The following SHISA6 variants were observed in gnomAD, a reference collection of about 807,000 sequenced individuals.
SHISA6 encodes protein shisa-6.
A neutral mutation model predicts 47.9 loss-of-function variants in SHISA6; 22 were observed. That is an observed-to-expected ratio of 0.46 (90% CI 0.33 to 0.66). SHISA6 has a LOEUF of 0.66. SHISA6 is among the 30% of genes least tolerant of loss of function. SHISA6 has a pLI of 0.02. For missense variants in SHISA6, 680 were observed against 764.6 expected, an observed-to-expected ratio of 0.89 and a Z score of 1.30; for synonymous variants, 388 against 337.8, an observed-to-expected ratio of 1.15 and a Z score of -1.63.
chr17:11,280,793 C>T (rs994484308), intron 2 of SHISA6, among the ~76,000 whole-genome samples: 10 of 152,138 alleles, frequency 6.6e-5, no homozygotes, highest in East Asian at 3.9e-4. Context: ...TTTGAAGCAG[C>T]GTGCTCAATG....
At chr17:11,485,369 AG>A (rs1916321866) in intron 3 of SHISA6, among the ~76,000 whole-genome samples, 1 of 152,142 alleles carries the variant, frequency 6.6e-6, no homozygotes, top group Non-Finnish European at 1.5e-5. Flanking sequence ...CAATTTCATG[AG>A]GGCTAACACT....
intron 2 of SHISA6, among the ~76,000 whole-genome samples, chr17:11,293,914 T>A (rs1909641815): frequency 6.6e-6 from 1 of 151,614 alleles, no homozygotes; most frequent in African/African-American, 2.4e-5. Context: ...TGAGATGGAG[T>A]CTCACTCTCT....
chr17:11,396,967 A>G (rs1913592326), intron 3 of SHISA6, among the ~76,000 whole-genome samples: 1 of 152,150 alleles, frequency 6.6e-6, no homozygotes, highest in African/African-American at 2.4e-5. Context: ...CCATATGTAC[A>G]ACATAGTGGC....
chr17:11,481,362 G>GTATATATATATATATATA (rs1481491401), intron 3 of SHISA6, among the ~76,000 whole-genome samples: 40 of 114,574 alleles, frequency 3.5e-4, no homozygotes, highest in African/African-American at 1.3e-3. Context: ...GTGTGTGTGT[G>GTATATATATATATATATA]TGTGTATATA....
rs115597073 is a variant in SHISA6, at chr17:11,480,894, A to T, written c.896-71002A>T. 4.0e-3 allele frequency among the ~76,000 whole-genome samples: 611 copies of T among 152,292 alleles called. 6 individuals carry two copies. Among genetic ancestry groups the T allele is most frequent in the African/African-American group, 0.014 (586 of 41,572 alleles). On this transcript the variant is annotated intron_variant, in intron 3 of 5. Transcript: ENST00000441885. ...TGACAGGTGTCTTATTTAAAAAATCAGTTGAAGGCAGGGGGAAGTGAGTAT... is the reference window on the plus strand; with the variant it reads ...TGACAGGTGTCTTATTTAAAAAATCTGTTGAAGGCAGGGGGAAGTGAGTAT...
intron 3 of SHISA6, among the ~76,000 whole-genome samples, chr17:11,475,077 G>T (rs1027469763): frequency 6.6e-6 from 1 of 151,982 alleles, no homozygotes; most frequent in African/African-American, 2.4e-5. Flanking sequence ...TTATACCTAA[G>T]TATTTCATGT....
chr17:11,397,245 C>T (rs767964219), intron 3 of SHISA6, among the ~76,000 whole-genome samples: 2 of 151,968 alleles, frequency 1.3e-5, no homozygotes, highest in Admixed American at 6.6e-5. Context: ...ATTGGTATTT[C>T]TTAACTTACA....
chr17:11,347,006 C>T (rs867416038), intron 2 of SHISA6, among the ~76,000 whole-genome samples: 50 of 152,166 alleles, frequency 3.3e-4, no homozygotes, highest in African/African-American at 1.1e-3. Context: ...ATCATGTTTG[C>T]GGAGTTGAGT....
chr17:11,385,979 G>T (rs1281819922), intron 3 of SHISA6, among the ~76,000 whole-genome samples: 2 of 152,114 alleles, frequency 1.3e-5, no homozygotes, highest in Admixed American at 6.5e-5. Context: ...AGAACAGTTT[G>T]GGGGTGGGAG....
intron 3 of SHISA6, among the ~76,000 whole-genome samples, chr17:11,414,541 G>A (rs2142275873): frequency 6.6e-6 from 1 of 152,266 alleles, no homozygotes; most frequent in South Asian, 2.1e-4. Flanking sequence ...GTACACGTGA[G>A]TACAAAGTGG....
chr17:11,421,235 T>C (rs1182247445), intron 3 of SHISA6, among the ~76,000 whole-genome samples: 2 of 152,342 alleles, frequency 1.3e-5, no homozygotes, highest in East Asian at 1.9e-4. Flanking sequence ...GTTAAGAACA[T>C]TGTTTTCACA....
chr17:11,401,628 A>G (rs60321156), intron 3 of SHISA6, among the ~76,000 whole-genome samples: 7,072 of 152,284 alleles, frequency 0.046, 500 homozygotes, highest in African/African-American at 0.15. Context: ...GCTACACTGG[A>G]ATGAGAGCAA....
At chr17:11,502,594 G>T (rs897844802) in intron 3 of SHISA6, among the ~76,000 whole-genome samples, 1 of 151,538 alleles carries the variant, frequency 6.6e-6, no homozygotes, top group African/African-American at 2.4e-5. Context: ...ACGCATGGTG[G>T]TGTGTGCCTG....
At chr17:11,486,546 G>A (rs1025555030) in intron 3 of SHISA6, among the ~76,000 whole-genome samples, 15 of 152,194 alleles carry the variant, frequency 9.9e-5, no homozygotes, top group African/African-American at 2.2e-4. Flanking sequence ...ACAGAATGAC[G>A]CAACCAGCAG....
intron 1 of SHISA6, among the ~76,000 whole-genome samples, chr17:11,258,302 A>C (rs1029448778): frequency 6.6e-6 from 1 of 152,236 alleles, no homozygotes; most frequent in Non-Finnish European, 1.5e-5. Flanking sequence ...CACAGCATTT[A>C]GACAGCTCAG....
intron 2 of SHISA6, among the ~76,000 whole-genome samples, chr17:11,368,630 G>T (rs911659217): frequency 6.6e-6 from 1 of 152,090 alleles, no homozygotes; most frequent in Non-Finnish European, 1.5e-5. Context: ...AATTGTTGGG[G>T]TTTTTTGTTT....
chr17:11,561,709 TACCTTCCTCCATTC>T lies in SHISA6; in HGVS notation c.*3420_*3433del, dbSNP rs374143823. ...CCTCTCATCTCCCTCTTCCTCCATC[TACCTTCCTCCATTC>T]ACCTTCCTCCATTCCTAATTTCTTT... On this transcript the variant is annotated 3_prime_UTR_variant, in exon 6 of 6. Coordinates refer to ENST00000441885, the MANE Select transcript of SHISA6 (RefSeq NM_207386.4). 18 of 152,384 alleles carry T rather than the reference TACCTTCCTCCATTC, an allele frequency of 1.2e-4. No homozygotes were observed. The highest frequency in any genetic ancestry group is 2.9e-4 in the African/African-American group (12 of 41,574). 9.4% of individuals were successfully genotyped at this position (152,384 alleles called of 1,614,324 possible).
chr17:11,286,038 G>A (rs868259828), intron 2 of SHISA6, among the ~76,000 whole-genome samples: 27 of 152,128 alleles, frequency 1.8e-4, no homozygotes, highest in Middle Eastern at 3.4e-3. Context: ...AGGTTTTACT[G>A]TGTTAGCCAG....
chr17:11,545,017 C>T lies in SHISA6; in HGVS notation c.896-6879C>T, dbSNP rs560386657. ...CAACTACCATACAACTCAGTAATTG[C>T]ATTCCTAGGTATTTATTCCAGGTAT... is the stretch of plus-strand genomic sequence containing the variant. On this transcript the variant is annotated intron_variant, in intron 3 of 5. Coordinates refer to ENST00000441885, the MANE Select transcript of SHISA6 (RefSeq NM_207386.4). 3.3e-5 allele frequency among the ~76,000 whole-genome samples: 5 copies of T among 150,100 alleles called. No homozygotes were observed. In the South Asian group the frequency reaches 1.1e-3, roughly 32 times the overall value.
Sources: allele counts gnomAD v4.1 joint callset (sites outside exome capture counted in the v4.1 genomes callset), GRCh38; gene constraint gnomAD v4.1.1; transcripts MANE v1.5; gene names NCBI Gene and HGNC (gene_info 2026-07-23, HGNC 2026-07-21).